PDE4D: variants seen among roughly 807,000 people sequenced by gnomAD.
PDE4D encodes 3',5'-cyclic-AMP phosphodiesterase 4D.
A neutral mutation model predicts 87.4 loss-of-function variants in PDE4D; 24 were observed. That is an observed-to-expected ratio of 0.27 (90% CI 0.20 to 0.39). The LOEUF (loss-of-function observed/expected upper bound fraction) is 0.39, where lower values mean the gene tolerates loss of function less well. Among genes scored for constraint, PDE4D ranks in the 10% least tolerant of loss-of-function variants. The pLI, the probability that PDE4D is intolerant of heterozygous loss-of-function variation, is 1.00. For synonymous variants in PDE4D, 384 were observed against 383.2 expected (o/e 1.00, Z -0.02); for missense variants, 714 against 1,041.0 (o/e 0.69, Z 4.32).
chr5:60,288,547 G>A (rs955111446), intron 1 of PDE4D, among the ~76,000 whole-genome samples: 1 of 152,108 alleles, frequency 6.6e-6, no homozygotes, highest in East Asian at 1.9e-4. Flanking sequence ...TAGGAAAGAT[G>A]GGACTAAAAA....
chr5:60,119,895 C>T (rs1040844272), intron 2 of PDE4D, among the ~76,000 whole-genome samples: 1 of 152,122 alleles, frequency 6.6e-6, no homozygotes, highest in Non-Finnish European at 1.5e-5. Flanking sequence ...TGGGTGTCAT[C>T]AGTATATACA....
At chr5:59,596,377 T>C (rs990070034) in intron 1 of PDE4D, among the ~76,000 whole-genome samples, 1 of 151,604 alleles carries the variant, frequency 6.6e-6, no homozygotes, top group Non-Finnish European at 1.5e-5. Flanking sequence ...CATATACATG[T>C]ATTTTTATTT....
At chr5:60,011,300 T>C (rs1447380462) in intron 2 of PDE4D, among the ~76,000 whole-genome samples, 3 of 152,072 alleles carry the variant, frequency 2.0e-5, no homozygotes, top group African/African-American at 7.2e-5. Context: ...TATGCATAGA[T>C]TCCTCATTTG....
intron 1 of PDE4D, among the ~76,000 whole-genome samples, chr5:59,526,935 TCTTA>T (rs745586939): frequency 9.9e-5 from 15 of 152,194 alleles, no homozygotes; most frequent in Non-Finnish European, 2.1e-4. Context: ...CAATTTTATT[TCTTA>T]CTTGACTTTT....
intron 1 of PDE4D, among the ~76,000 whole-genome samples, chr5:59,248,089 C>T (rs935046218): frequency 7.3e-6 from 1 of 136,638 alleles, no homozygotes; most frequent in African/African-American, 2.7e-5. Context: ...ACCTCCATTA[C>T]GTATATTTAT....
chr5:59,553,622 C>T (rs1424335709), intron 1 of PDE4D, among the ~76,000 whole-genome samples: 2 of 152,130 alleles, frequency 1.3e-5, no homozygotes, highest in Non-Finnish European at 2.9e-5. Context: ...GAACTAATTT[C>T]TGAAAGAACA....
At chr5:59,875,456 G>A (rs190478996) in intron 1 of PDE4D, among the ~76,000 whole-genome samples, 13 of 63,732 alleles carry the variant, frequency 2.0e-4, no homozygotes, top group Admixed American at 2.9e-4. Context: ...TGAGACCTCC[G>A]TCTCAAAAAA....
chr5:59,808,514 A>T (rs1002934723), intron 1 of PDE4D, among the ~76,000 whole-genome samples: 3 of 152,104 alleles, frequency 2.0e-5, no homozygotes, highest in African/African-American at 7.2e-5. Flanking sequence ...CATTGAGATC[A>T]CCTGGGGAGT....
chr5:60,314,029 A>C (rs1184146079), intron 1 of PDE4D, among the ~76,000 whole-genome samples: 2 of 152,206 alleles, frequency 1.3e-5, no homozygotes, highest in African/African-American at 4.8e-5. Flanking sequence ...GAGCCAGCAC[A>C]AGACAAGGAT....
intron 1 of PDE4D, among the ~76,000 whole-genome samples, chr5:60,211,362 A>C (rs1221587971): frequency 6.6e-6 from 1 of 151,566 alleles, no homozygotes; most frequent in Non-Finnish European, 1.5e-5. Context: ...GCAACCCTTC[A>C]CAGGGCACTG....
intron 1 of PDE4D, chr5:59,560,713 C>T (rs11957151): frequency 0.077 from 11,791 of 152,226 alleles, 612 homozygotes; most frequent in Admixed American, 0.14. Flanking sequence ...AAGGGTAATC[C>T]CAGCAGATAA....
intron 1 of PDE4D, among the ~76,000 whole-genome samples, chr5:59,806,094 A>T (rs1767700134): frequency 6.6e-6 from 1 of 152,222 alleles, no homozygotes; most frequent in Non-Finnish European, 1.5e-5. Context: ...CTTTGTTATT[A>T]GCCAGTTCAA....
chr5:59,379,858 G>T (rs1260962625), intron 1 of PDE4D, among the ~76,000 whole-genome samples: 1 of 152,018 alleles, frequency 6.6e-6, no homozygotes, highest in Non-Finnish European at 1.5e-5. Flanking sequence ...TTAGATTTAG[G>T]GGCTACATGT....
At chr5:59,629,941 T>G (rs537979236) in intron 1 of PDE4D, among the ~76,000 whole-genome samples, 2 of 152,358 alleles carry the variant, frequency 1.3e-5, no homozygotes, top group Admixed American at 6.5e-5. Flanking sequence ...TTGACTTATC[T>G]AAATACACTC....
intron 5 of PDE4D, among the ~76,000 whole-genome samples, chr5:59,157,916 C>T (rs897469283): frequency 9.2e-5 from 14 of 152,078 alleles, no homozygotes; most frequent in African/African-American, 3.4e-4. Context: ...TTTAAAAATC[C>T]AGTTTAATTC....
At chr5:60,394,072 A>C (rs1300373979) in intron 1 of PDE4D, among the ~76,000 whole-genome samples, 1 of 152,200 alleles carries the variant, frequency 6.6e-6, no homozygotes, top group Non-Finnish European at 1.5e-5. Context: ...AATATGTTTC[A>C]GTCATCTGGA....
At chr5:60,516,828 G>A (rs924755682) in intron 1 of PDE4D, among the ~76,000 whole-genome samples, 4 of 152,158 alleles carry the variant, frequency 2.6e-5, no homozygotes, top group South Asian at 4.1e-4. Context: ...CTGAGAAGAC[G>A]CCAGCTGCAG....
intron 2 of PDE4D, among the ~76,000 whole-genome samples, chr5:60,027,054 AT>A (rs1425724283): frequency 6.6e-6 from 1 of 151,754 alleles, no homozygotes; most frequent in African/African-American, 2.4e-5. Context: ...TTCCCCCGCC[AT>A]TTTTTTCCTT....
chr5:59,989,353 A>G (rs1282999159), intron 2 of PDE4D, among the ~76,000 whole-genome samples: 1 of 151,900 alleles, frequency 6.6e-6, no homozygotes, highest in Non-Finnish European at 1.5e-5. Flanking sequence ...TATGGCCACC[A>G]TGGTATGTAT....
Sources: gnomAD v4.1 joint callset for allele counts (sites outside exome capture counted in the v4.1 genomes callset) on GRCh38, gnomAD v4.1.1 for gene constraint, MANE v1.5 for transcripts, NCBI Gene and HGNC (gene_info 2026-07-23, HGNC 2026-07-21) for gene names.